PLGRKT: variants seen among roughly 807,000 people sequenced by gnomAD.
The protein encoded by PLGRKT is plasminogen receptor with a C-terminal lysine, also known as plasminogen receptor (KT).
Under a neutral mutation model 18.5 loss-of-function variants are expected in PLGRKT, and 22 were observed. That is an observed-to-expected ratio of 1.19 (90% CI 0.85 to 1.70). The LOEUF is 1.70. Among genes scored for constraint, PLGRKT ranks in the 40% most tolerant of loss-of-function variants. The pLI is 0.00. For missense variants in PLGRKT, 235 were observed against 174.4 expected (o/e 1.35, Z -1.96); for synonymous variants, 72 against 52.8 (o/e 1.36, Z -1.58).
intron 2 of PLGRKT, among the ~76,000 whole-genome samples, chr9:5,432,375 T>C (rs1351682481): frequency 1.3e-5 from 2 of 152,232 alleles, no homozygotes; most frequent in African/African-American, 4.8e-5. Flanking sequence ...CTCTGTACAA[T>C]TAGGCAACAG....
chr9:5,411,172 T>TC (rs1818356047), intron 3 of PLGRKT, among the ~76,000 whole-genome samples: 1 of 151,546 alleles, frequency 6.6e-6, no homozygotes, highest in Non-Finnish European at 1.5e-5. Flanking sequence ...CCACCTGAGG[T>TC]CGGGAGTTTG....
chr9:5,416,711 T>C (rs138065165), intron 3 of PLGRKT, among the ~76,000 whole-genome samples: 35 of 152,234 alleles, frequency 2.3e-4, no homozygotes, highest in African/African-American at 8.2e-4. Context: ...TGTGAACAAA[T>C]CTAAAAACTG....
intron 3 of PLGRKT, among the ~76,000 whole-genome samples, chr9:5,364,538 T>C (rs1204328432): frequency 1.3e-5 from 2 of 152,148 alleles, no homozygotes; most frequent in East Asian, 1.9e-4. Flanking sequence ...ATGCACAAGA[T>C]GGAATGGGGA....
intron 3 of PLGRKT, 24 bp from the exon 4 acceptor site, chr9:5,361,912 G>A (rs1817276146): frequency 6.2e-7 from 1 of 1,603,282 alleles, no homozygotes; most frequent in Non-Finnish European, 8.5e-7. Flanking sequence ...AAAAGACAAA[G>A]TAAAGTTACT....
chr9:5,419,512 G>A (rs1490508051), intron 3 of PLGRKT, among the ~76,000 whole-genome samples: 1 of 152,132 alleles, frequency 6.6e-6, no homozygotes, highest in Non-Finnish European at 1.5e-5. Context: ...CATGCCCTAT[G>A]GCCAGCGGCC....
intron 3 of PLGRKT, among the ~76,000 whole-genome samples, chr9:5,363,760 A>T (rs541240089): frequency 6.6e-6 from 1 of 152,296 alleles, no homozygotes; most frequent in Non-Finnish European, 1.5e-5. Context: ...AGATGAACGG[A>T]GAAGGGGAGG....
chr9:5,372,156 AT>A (rs1389651944), intron 3 of PLGRKT, among the ~76,000 whole-genome samples: 4 of 151,484 alleles, frequency 2.6e-5, no homozygotes, highest in African/African-American at 4.9e-5. Context: ...TAATTTTTGT[AT>A]TTTTATAGAG....
chr9:5,382,113 T>C (rs1321436691), intron 3 of PLGRKT: 14 of 658,948 alleles, frequency 2.1e-5, no homozygotes, highest in Non-Finnish European at 2.6e-5. Context: ...AATAAATCGT[T>C]GGAAAATAAA....
At chr9:5,375,183 A>G (rs1333606714) in intron 3 of PLGRKT, among the ~76,000 whole-genome samples, 1 of 152,336 alleles carries the variant, frequency 6.6e-6, no homozygotes, top group Middle Eastern at 3.4e-3. Flanking sequence ...AAAGATGTAC[A>G]TTTTACATTA....
chr9:5,367,372 GT>G (rs1330010539), intron 3 of PLGRKT, among the ~76,000 whole-genome samples: 1 of 151,994 alleles, frequency 6.6e-6, no homozygotes, highest in Non-Finnish European at 1.5e-5. Context: ...AAACAGCATG[GT>G]ACTAGTACAA....
At chr9:5,373,710 A>T (rs375910515) in intron 3 of PLGRKT, among the ~76,000 whole-genome samples, 1 of 152,046 alleles carries the variant, frequency 6.6e-6, no homozygotes, top group Non-Finnish European at 1.5e-5. Context: ...AGGTGGGAAG[A>T]CCACTTGAGC....
chr9:5,370,161 A>G (rs1338708534), intron 3 of PLGRKT, among the ~76,000 whole-genome samples: 3 of 152,232 alleles, frequency 2.0e-5, no homozygotes, highest in Admixed American at 6.5e-5. Context: ...ACCACATTCT[A>G]AACACATTCA....
intron 3 of PLGRKT, among the ~76,000 whole-genome samples, chr9:5,379,958 C>G (rs148923850): frequency 6.6e-6 from 1 of 152,228 alleles, no homozygotes; most frequent in East Asian, 1.9e-4. Flanking sequence ...CAAGACTATT[C>G]AATATAAACA....
At chr9:5,385,569 T>C (rs1263736970) in intron 3 of PLGRKT, among the ~76,000 whole-genome samples, 1 of 151,820 alleles carries the variant, frequency 6.6e-6, no homozygotes, top group Non-Finnish European at 1.5e-5. Flanking sequence ...TCCTTCTCAC[T>C]TTCCTTTCCC....
chr9:5,396,481 G>C (rs1246138802), intron 3 of PLGRKT, among the ~76,000 whole-genome samples: 1 of 151,400 alleles, frequency 6.6e-6, no homozygotes, highest in Admixed American at 6.6e-5. Flanking sequence ...TTTTAATAGA[G>C]ACAGGGTTTC....
At chr9:5,387,354 T>A (rs1420727631) in intron 3 of PLGRKT, among the ~76,000 whole-genome samples, 1 of 151,856 alleles carries the variant, frequency 6.6e-6, no homozygotes, top group East Asian at 1.9e-4. Context: ...ACATTTTCAT[T>A]CATAGCAACA....
At chr9:5,391,590 T>C (rs1817950508) in intron 3 of PLGRKT, among the ~76,000 whole-genome samples, 1 of 151,942 alleles carries the variant, frequency 6.6e-6, no homozygotes, top group African/African-American at 2.4e-5. Flanking sequence ...TGTCACCCTG[T>C]AATCAGTGAC....
At chr9:5,372,086 A>T (rs1432672405) in intron 3 of PLGRKT, among the ~76,000 whole-genome samples, 2 of 145,678 alleles carry the variant, frequency 1.4e-5, no homozygotes, top group South Asian at 2.2e-4. Flanking sequence ...GGTTCGAGCA[A>T]TTCTCCTGCC....
chr9:5,389,738 T>A (rs1053966189), intron 3 of PLGRKT, among the ~76,000 whole-genome samples: 2 of 151,840 alleles, frequency 1.3e-5, no homozygotes, highest in African/African-American at 4.9e-5. Flanking sequence ...CAGGAAGAGA[T>A]AGGAGTTTGT....
Sources: gnomAD v4.1 joint callset for allele counts (sites outside exome capture counted in the v4.1 genomes callset) on GRCh38, gnomAD v4.1.1 for gene constraint, MANE v1.5 for transcripts, NCBI Gene and HGNC (gene_info 2026-07-23, HGNC 2026-07-21) for gene names.